The following HKDC1 variants were observed in gnomAD, a reference collection of about 807,000 sequenced individuals.
HKDC1 encodes hexokinase HKDC1.
In HKDC1, 66 loss-of-function variants were observed where a neutral mutation model predicts 96.6. The ratio of observed to expected loss-of-function variants is 0.68; its 90% CI spans 0.56 to 0.84. The LOEUF (loss-of-function observed/expected upper bound fraction) is 0.84, where lower values mean the gene tolerates loss of function less well. Among genes scored for constraint, HKDC1 ranks in the 40% least tolerant of loss-of-function variants. HKDC1 has a pLI of 0.00. For missense variants in HKDC1, 1,211 were observed against 1,208.1 expected, an observed-to-expected ratio of 1.00 and a Z score of -0.04; for synonymous variants, 466 against 473.1, an observed-to-expected ratio of 0.98 and a Z score of 0.20.
rs549129915 is a variant in HKDC1 at position 69,250,121 on chromosome 10, T to A, written c.1571-169T>A. Among the ~76,000 whole-genome samples, 3 of 152,274 alleles carry A rather than the reference T, an allele frequency of 2.0e-5. No individual in the cohort carries two copies. In the South Asian group the frequency reaches 6.2e-4, roughly 32 times the overall value. On this transcript the variant is annotated intron_variant, in intron 10 of 17. Transcript: ENST00000354624. ...AGCCTGGCCTCACGCAGGCTCAAGA[T>A]GCCTGCCCGGGGCCCGGGCACTGTG...
At position 69,224,937 on chromosome 10, in the gene HKDC1, A is replaced by G. The variant is rs550137787; in HGVS notation, c.64-2270A>G. ...GTGTCCCTGGTTACACATACCCCAC[A>G]TGACTTGTTTGGATTGAAAATAGGT... is the stretch of plus-strand genomic sequence containing the variant. On this transcript the variant is annotated intron_variant, in intron 1 of 17. Coordinates refer to ENST00000354624, the MANE Select transcript of HKDC1 (RefSeq NM_025130.4). 4.3e-4 allele frequency among the ~76,000 whole-genome samples: 66 copies of G among 152,306 alleles called. 1 individual carries two copies. In the South Asian group the frequency reaches 0.013, roughly 30 times the overall value.
chr10:69,224,972 C>G (rs1199895316), intron 1 of HKDC1, among the ~76,000 whole-genome samples: 1 of 152,112 alleles, frequency 6.6e-6, no homozygotes, highest in African/African-American at 2.4e-5. Context: ...TGCTTTTTGT[C>G]CCAACATATG....
rs200034765 is a variant in HKDC1 at position 69,247,416 on chromosome 10, C to T, written c.1088C>T (p.Pro363Leu). Reference sequence around the variant, plus strand: ...ATCCTGGTGGACCTGGGTCTGGAACCGTCTGAGGCTGACTGCATTGCCGTC... The same window carrying T: ...ATCCTGGTGGACCTGGGTCTGGAACTGTCTGAGGCTGACTGCATTGCCGTC... ...REILVDLGLEPSEADCIAVQH... is the reference protein window; with the variant it reads ...REILVDLGLELSEADCIAVQH... Residue 363 changes from proline to leucine, a missense_variant, in exon 9 of 18, where the codon CCG becomes CTG. By Grantham distance (98) the Pro-to-Leu change is moderately conservative. Coordinates refer to ENST00000354624, the MANE Select transcript of HKDC1 (RefSeq NM_025130.4). The T allele has an allele frequency of 4.2e-5, 67 of 1,613,836 alleles. No individual in the cohort carries two copies. The highest frequency in any genetic ancestry group is 5.2e-5 in the Non-Finnish European group (61 of 1,179,974).
chr10:69,254,524 C>G (rs1843691418), intron 12 of HKDC1, among the ~76,000 whole-genome samples: 1 of 152,164 alleles, frequency 6.6e-6, no homozygotes, highest in Non-Finnish European at 1.5e-5. Context: ...CTCCTTCCCC[C>G]AGACCCTTGG....
intron 12 of HKDC1, among the ~76,000 whole-genome samples, chr10:69,253,882 C>T (rs747424459): frequency 6.6e-6 from 1 of 152,242 alleles, no homozygotes; most frequent in Non-Finnish European, 1.5e-5. Flanking sequence ...AGACTCTCAT[C>T]AGCCAAGCTT....
At chr10:69,252,875 C>T (rs1241286623) in intron 12 of HKDC1, among the ~76,000 whole-genome samples, 1 of 151,872 alleles carries the variant, frequency 6.6e-6, no homozygotes, top group Non-Finnish European at 1.5e-5. Context: ...TGACTCATGT[C>T]TGTAATCCTA....
At chr10:69,232,355 G>T (rs1564726398) in intron 2 of HKDC1, 3 of 192,548 alleles carry the variant, frequency 1.6e-5, no homozygotes, top group Non-Finnish European at 2.2e-5. Flanking sequence ...CGCACATCCT[G>T]TCTTCCCCCT....
At position 69,239,038 on chromosome 10, in the gene HKDC1, C is replaced by T; in HGVS notation, c.496-4C>T. On this transcript the variant is annotated splice_region_variant and splice_polypyrimidine_tract_variant and intron_variant, in intron 4 of 17. Coordinates refer to ENST00000354624, the MANE Select transcript of HKDC1 (RefSeq NM_025130.4). ...TTCAAACTGGACCTGAAATCTTCTCCCAGGGTGTCCTACTTTCGTGGACAA... is the reference window on the plus strand; with the variant it reads ...TTCAAACTGGACCTGAAATCTTCTCTCAGGGTGTCCTACTTTCGTGGACAA... The T allele has an allele frequency of 6.2e-7, 1 of 1,610,154 alleles. No homozygotes were observed. Among genetic ancestry groups the T allele is most frequent in the Non-Finnish European group, 8.5e-7 (1 of 1,176,958 alleles).
In HKDC1 at chr10:69,248,461, G is replaced by T. The variant is rs1490017420; in HGVS notation, c.1303G>T (p.Val435Phe). The change falls in exon 10 of 18, where the codon GTC (valine) becomes TTC (phenylalanine). Residue 435 changes from valine (V) to phenylalanine (F), a missense_variant. Transcript: ENST00000354624. ...CCTGCACAAGGTGGTGAGGAAACTG[G>T]TCCCAAGCTGTGATGTCCGCTTCCT... ...KRLHKVVRKL[V>F]PSCDVRFLLS... The T allele has an allele frequency of 1.3e-6, 2 of 1,594,492 alleles. No homozygotes were observed. The highest frequency in any genetic ancestry group is 1.7e-6 in the Non-Finnish European group (2 of 1,167,216).
At chr10:69,254,622 T>G (rs1321736650) in intron 12 of HKDC1, among the ~76,000 whole-genome samples, 1 of 152,220 alleles carries the variant, frequency 6.6e-6, no homozygotes, top group African/African-American at 2.4e-5. Context: ...ATTACAAAAA[T>G]AGAACTCATT....
Position 69,258,861 on chromosome 10 carries a change from AG to A in HKDC1, c.2119del (p.Glu707SerfsTer11). 1 of 1,613,630 alleles carries A rather than the reference AG, an allele frequency of 6.2e-7. No homozygotes were observed. Among genetic ancestry groups the A allele is most frequent in the Non-Finnish European group, 8.5e-7 (1 of 1,179,850 alleles). On this transcript the variant is annotated frameshift_variant, in exon 15 of 18. Transcript: ENST00000354624. LOFTEE classifies it high-confidence loss of function. ...GGEGKMCINT[E>X]WGGFGDNGCI... ...GTGAAGGGAAGATGTGCATCAATAC[AG>A]AGTGGGGAGGATTTGGAGACAATGG...
chr10:69,250,566 T>G lies in HKDC1; in HGVS notation c.1750T>G (p.Phe584Val). Residue 584 changes from phenylalanine to valine, a missense_variant, in exon 12 of 18, where the codon TTC (phenylalanine) becomes GTC (valine). Phe to Val is a conservative substitution (Grantham distance 50). Transcript: ENST00000354624. ...FDHIVQCIAD[F>V]LDYMGLKGAS... The stretch of plus-strand genomic sequence containing the variant: ...TCACATTGTGCAGTGCATCGCCGAC[T>G]TCCTGGACTACATGGGCCTCAAGGG... The G allele has an allele frequency of 1.9e-6, 3 of 1,614,134 alleles. No homozygotes were observed. The highest frequency in any genetic ancestry group is 2.5e-6 in the Non-Finnish European group (3 of 1,180,008).
intron 1 of HKDC1, 42 bp from the exon 2 acceptor site, chr10:69,227,165 G>C: frequency 1.2e-6 from 2 of 1,609,160 alleles, no homozygotes; most frequent in Non-Finnish European, 1.7e-6. Flanking sequence ...TGGAGGGTGA[G>C]GGCCCCCAGC....
rs546884393 is a variant in HKDC1, at chr10:69,262,414, T to G, written c.2372+1120T>G. On this transcript the variant is annotated intron_variant, in intron 16 of 17. Coordinates refer to ENST00000354624, the MANE Select transcript of HKDC1 (RefSeq NM_025130.4). ...AGAGTATTTCACCATGGGCGCAGTG[T>G]TTTTTTTTTTAAAGTAGTTTCAATT... is the stretch of plus-strand genomic sequence containing the variant. Among the ~76,000 whole-genome samples, 22 of 147,556 alleles carry G rather than the reference T, an allele frequency of 1.5e-4. 1 individual carries two copies. The East Asian group carries it at 4.3e-3, about 29-fold the overall frequency.
In HKDC1 at chr10:69,232,818, A is replaced by C. The variant is rs374745925; in HGVS notation, c.281A>C (p.Lys94Thr). ...DLGGSKFRVL[K>T]VQVAEEGKRH... The stretch of plus-strand genomic sequence containing the variant: ...GGAGGGTCCAAGTTCCGAGTGCTGA[A>C]GGTGCAAGTCGCTGAAGAGGGGAAG... The change falls in exon 3 of 18, where the codon AAG (lysine) becomes ACG (threonine). Residue 94 changes from lysine to threonine, a missense_variant. Coordinates refer to ENST00000354624, the MANE Select transcript of HKDC1 (RefSeq NM_025130.4). 1.5e-5 allele frequency: 24 copies of C among 1,614,060 alleles called. No homozygotes were observed. Among genetic ancestry groups the C allele is most frequent in the South Asian group, 1.3e-4 (12 of 91,088 alleles).
intron 12 of HKDC1, among the ~76,000 whole-genome samples, chr10:69,253,633 C>A (rs980333151): frequency 2.0e-5 from 3 of 152,150 alleles, no homozygotes; most frequent in African/African-American, 7.2e-5. Context: ...AAATGCATAG[C>A]GTGGGTCTAG....
intron 12 of HKDC1, among the ~76,000 whole-genome samples, chr10:69,251,521 G>T (rs948026527): frequency 6.6e-6 from 1 of 152,162 alleles, no homozygotes; most frequent in Non-Finnish European, 1.5e-5. Context: ...TTTCTGCAAA[G>T]AAGCCAGCTG....
chr10:69,221,279 C>A lies in HKDC1; in HGVS notation c.63+781C>A, dbSNP rs555330213. 3.3e-5 allele frequency among the ~76,000 whole-genome samples: 5 copies of A among 152,234 alleles called. No homozygotes were observed. The East Asian group carries it at 9.6e-4, about 29-fold the overall frequency. ...TCTATTATTGGCACCTGCTATTTGC[C>A]AATGGTACACTATTCATGGTGTGCA... On this transcript the variant is annotated intron_variant, in intron 1 of 17. Transcript: ENST00000354624.
At chr10:69,222,450 A>G (rs1843081479) in intron 1 of HKDC1, among the ~76,000 whole-genome samples, 1 of 152,220 alleles carries the variant, frequency 6.6e-6, no homozygotes, top group African/African-American at 2.4e-5. Flanking sequence ...TCTGCTTAGT[A>G]AAGGCACAAG....
Sources: allele counts gnomAD v4.1 joint callset (sites outside exome capture counted in the v4.1 genomes callset), GRCh38; gene constraint gnomAD v4.1.1; transcripts MANE v1.5; gene names NCBI Gene and HGNC (gene_info 2026-07-23, HGNC 2026-07-21).